ZNF521: variants seen among roughly 807,000 people sequenced by gnomAD.
ZNF521 encodes the protein zinc finger protein 521.
ZNF521 carries 14 observed loss-of-function variants against 105.5 expected under a neutral mutation model. That is an observed-to-expected ratio of 0.13 (90% CI 0.09 to 0.21). ZNF521 has a LOEUF of 0.21. Among genes scored for constraint, ZNF521 ranks in the 10% least tolerant of loss-of-function variants. The pLI, the probability that ZNF521 is intolerant of heterozygous loss-of-function variation, is 1.00. For synonymous variants in ZNF521, 635 were observed against 606.0 expected (o/e 1.05, Z -0.70); for missense variants, 1,233 against 1,629.7 (o/e 0.76, Z 4.19).
chr18:25,227,755 T>C lies in ZNF521; in HGVS notation c.221-58A>G. On this transcript the variant is annotated intron_variant, in intron 3 of 7. Transcript: ENST00000361524. The surrounding 1 kb of genome is among the most constrained non-coding windows in gnomAD (Gnocchi z 5.7). ...ACATGTTGAGATTCAAGAGTGAGTT[T>C]ACCGTAGCATTTCAACCAGCACGCA... is the stretch of plus-strand genomic sequence containing the variant. 6.9e-7 allele frequency: 1 copy of C among 1,454,404 alleles called. No homozygotes were observed. 90.1% of individuals were successfully genotyped at this position (1,454,404 alleles called of 1,614,324 possible). A position where few individuals can be genotyped will look rare whatever the true frequency, so the allele number is the denominator to read the frequency against.
intron 5 of ZNF521, among the ~76,000 whole-genome samples, chr18:25,092,760 C>T (rs2033772925): frequency 4.6e-5 from 7 of 152,082 alleles, no homozygotes; most frequent in Admixed American, 3.9e-4. Flanking sequence ...TTGACTAGCC[C>T]TGAATTTTTC....
intron 5 of ZNF521, among the ~76,000 whole-genome samples, chr18:25,095,989 C>T (rs937877814): frequency 6.6e-6 from 1 of 152,126 alleles, no homozygotes. Context: ...ATGCTGGAAG[C>T]CAGCAACTTC....
chr18:25,350,258 C>CGGCGGG (rs1271945031), intron 2 of ZNF521, among the ~76,000 whole-genome samples: 1 of 151,938 alleles, frequency 6.6e-6, no homozygotes, highest in African/African-American at 2.4e-5. Flanking sequence ...GAAGTAGGGG[C>CGGCGGG]GAGGGGCGGT....
intron 4 of ZNF521, among the ~76,000 whole-genome samples, chr18:25,203,961 G>A (rs1282447086): frequency 6.6e-6 from 1 of 152,090 alleles, no homozygotes; most frequent in Non-Finnish European, 1.5e-5. Flanking sequence ...GACAGTGAGT[G>A]AGTTCTCACG....
chr18:25,313,335 C>CA lies in ZNF521; in HGVS notation c.220+8672dup, dbSNP rs34596950. Among the ~76,000 whole-genome samples the CA allele has an allele frequency of 7.7e-3, 1,098 of 142,202 alleles. 3 individuals are homozygous for CA. The highest frequency in any genetic ancestry group is 0.015 in the African/African-American group (585 of 38,832). 93.3% of individuals were successfully genotyped at this position (142,202 alleles called of 152,430 possible). A position where few individuals can be genotyped will look rare whatever the true frequency, so the allele number is the denominator to read the frequency against. On this transcript the variant is annotated intron_variant, in intron 3 of 7. Coordinates refer to ENST00000361524, the MANE Select transcript of ZNF521 (RefSeq NM_015461.3). ...ACAACTGATTTTTAAAAGTTTTCTG[C>CA]AAAAAAAAAAACTGCAGGATACTGA...
intron 3 of ZNF521, among the ~76,000 whole-genome samples, chr18:25,234,029 G>T (rs2144765755): frequency 6.6e-6 from 1 of 152,300 alleles, no homozygotes; most frequent in African/African-American, 2.4e-5. Flanking sequence ...ACCAGTTAAA[G>T]AACAGTCATC....
intron 7 of ZNF521, among the ~76,000 whole-genome samples, chr18:25,074,746 C>T (rs2033318507): frequency 1.3e-5 from 2 of 152,138 alleles, no homozygotes; most frequent in Admixed American, 6.5e-5. Context: ...GAAACCCACA[C>T]GTGAAGTTCC....
chr18:25,283,931 C>T (rs571560104), intron 3 of ZNF521, among the ~76,000 whole-genome samples: 4 of 142,856 alleles, frequency 2.8e-5, no homozygotes, highest in East Asian at 2.3e-4. Context: ...TTCCCCCCCC[C>T]CCAAAAAAAT....
rs142840068 is a variant in ZNF521, at chr18:25,107,315, C to T, written c.3659-15234G>A. Among the ~76,000 whole-genome samples the T allele has an allele frequency of 2.4e-4, 36 of 152,146 alleles. No homozygotes were observed. In the East Asian group the frequency reaches 5.4e-3, roughly 23 times the overall value. ...ATTAAGAATGAAACAAATGTTTGTT[C>T]CTTTGTTGAAATATCTTTTAACACT... On this transcript the variant is annotated intron_variant, in intron 5 of 7. Coordinates refer to ENST00000361524, the MANE Select transcript of ZNF521 (RefSeq NM_015461.3).
At chr18:25,264,031 A>C (rs1368298700) in intron 3 of ZNF521, among the ~76,000 whole-genome samples, 1 of 152,162 alleles carries the variant, frequency 6.6e-6, no homozygotes, top group African/African-American at 2.4e-5. Context: ...TTTATATCCA[A>C]AGTATTTTAC....
At chr18:25,272,444 T>C (rs1909725930) in intron 3 of ZNF521, among the ~76,000 whole-genome samples, 1 of 152,200 alleles carries the variant, frequency 6.6e-6, no homozygotes, top group South Asian at 2.1e-4. Flanking sequence ...TTCATTGTAC[T>C]ATAAAGACAC....
intron 7 of ZNF521, among the ~76,000 whole-genome samples, chr18:25,085,239 A>G (rs2033594256): frequency 6.7e-6 from 1 of 149,642 alleles, no homozygotes; most frequent in African/African-American, 2.4e-5. Context: ...ATATATATAT[A>G]TAAGTATAAT....
Position 25,349,701 on chromosome 18 carries a change from GCC to G in ZNF521, c.40+1204_40+1205del, listed in dbSNP as rs1167409074. Reference sequence around the variant, plus strand: ...GGAACCGGGGCCACGGGGCGCCGCGGCCCGGCAGCCAGGAGGAAGAGGATGCT... The same window carrying G: ...GGAACCGGGGCCACGGGGCGCCGCGGCGGCAGCCAGGAGGAAGAGGATGCT... On this transcript the variant is annotated intron_variant, in intron 2 of 7. Transcript: ENST00000361524. Among the ~76,000 whole-genome samples, 7 of 151,718 alleles carry G rather than the reference GCC, an allele frequency of 4.6e-5. No individual in the cohort carries two copies. The South Asian group carries it at 8.3e-4, about 18-fold the overall frequency.
chr18:25,121,747 C>CCTAAATTAAA (rs906201174), intron 5 of ZNF521, among the ~76,000 whole-genome samples: 5 of 151,866 alleles, frequency 3.3e-5, no homozygotes, highest in Non-Finnish European at 7.4e-5. Flanking sequence ...AAAAATTAGC[C>CCTAAATTAAA]CTAAATTAAA....
chr18:25,309,240 T>C (rs1010860578), intron 3 of ZNF521, among the ~76,000 whole-genome samples: 1 of 152,188 alleles, frequency 6.6e-6, no homozygotes, highest in African/African-American at 2.4e-5. Flanking sequence ...ATAGTATCAA[T>C]AACGCCAAGA....
intron 3 of ZNF521, among the ~76,000 whole-genome samples, chr18:25,289,690 T>C: frequency 6.6e-6 from 1 of 152,248 alleles, no homozygotes; most frequent in East Asian, 1.9e-4. Flanking sequence ...GTCCAAGATT[T>C]ACTTGGTCTT....
At chr18:25,113,761 GACACAC>G (rs10667710) in intron 5 of ZNF521, among the ~76,000 whole-genome samples, 1 of 101,688 alleles carries the variant, frequency 9.8e-6, no homozygotes, top group Non-Finnish European at 2.0e-5. Flanking sequence ...AGGACGGACG[GACACAC>G]ACACACACAC....
intron 2 of ZNF521, among the ~76,000 whole-genome samples, chr18:25,347,086 A>G (rs1186849490): frequency 1.3e-5 from 2 of 152,246 alleles, no homozygotes; most frequent in Admixed American, 6.5e-5. Flanking sequence ...ATAGCCAGCA[A>G]GAAAAATAGA....
At position 25,224,723 on chromosome 18, in the gene ZNF521, A is replaced by G. The variant is rs2144729643; in HGVS notation, c.3195T>C (p.Tyr1065=). 2.5e-6 allele frequency: 4 copies of G among 1,614,036 alleles called. No individual in the cohort carries two copies. Among genetic ancestry groups the G allele is most frequent in the Non-Finnish European group, 3.4e-6 (4 of 1,179,998 alleles). The change falls in exon 4 of 8, where the codon TAT becomes TAC. Residue 1065 remains tyrosine, a synonymous_variant. Coordinates refer to ENST00000361524, the MANE Select transcript of ZNF521 (RefSeq NM_015461.3). The stretch of plus-strand genomic sequence containing the variant: ...ATTCTTTGAGGCAAGATGCGCACTT[A>G]TACAGTTTTTGGACGTGCTGGCCCC... ...TGRGQHVQKL[Y]KCASCLKEFR...
Sources: gnomAD v4.1 joint callset for allele counts (sites outside exome capture counted in the v4.1 genomes callset) on GRCh38, gnomAD v4.1.1 for gene constraint, Gnocchi (gnomAD v3.1) non-coding constraint, MANE v1.5 for transcripts, NCBI Gene and HGNC (gene_info 2026-07-23, HGNC 2026-07-21) for gene names.